RGL1: variants seen among roughly 807,000 people sequenced by gnomAD.
RGL1 encodes the protein ral guanine nucleotide dissociation stimulator like 1.
In RGL1, 24 loss-of-function variants were observed where a neutral mutation model predicts 95.2. The ratio of observed to expected loss-of-function variants is 0.25; its 90% CI spans 0.18 to 0.35. The LOEUF is 0.35. Among genes scored for constraint, RGL1 ranks in the 10% least tolerant of loss-of-function variants. The probability of loss-of-function intolerance (pLI) is 1.00; values close to 1 mark genes in which losing one functional copy is unlikely to be tolerated. For missense variants in RGL1, 715 were observed against 936.3 expected (o/e 0.76, Z 3.08); for synonymous variants, 329 against 344.9 (o/e 0.95, Z 0.51).
At chr1:183,686,556 C>A (rs1294559637) in intron 1 of RGL1, among the ~76,000 whole-genome samples, 2 of 152,166 alleles carry the variant, frequency 1.3e-5, no homozygotes, top group Non-Finnish European at 2.9e-5. Flanking sequence ...TGGATGACAA[C>A]ACTCTGTAGT....
chr1:183,646,244 TC>T (rs1650283193), intron 1 of RGL1, among the ~76,000 whole-genome samples: 1 of 152,220 alleles, frequency 6.6e-6, no homozygotes, highest in Non-Finnish European at 1.5e-5. Flanking sequence ...TTCCAGTAAT[TC>T]CATTAAAATT....
At chr1:183,692,811 T>C (rs1195084990) in intron 1 of RGL1, among the ~76,000 whole-genome samples, 1 of 152,142 alleles carries the variant, frequency 6.6e-6, no homozygotes, top group Non-Finnish European at 1.5e-5. Flanking sequence ...CTTGGGGTCA[T>C]GGAACTGTTC....
intron 14 of RGL1, 33 bp downstream of exon 14, chr1:183,907,134 G>C: frequency 7.4e-7 from 1 of 1,347,672 alleles, no homozygotes; most frequent in Middle Eastern, 1.8e-4. Context: ...GGGGCTCCAA[G>C]AGGGTGCCAT....
intron 1 of RGL1, among the ~76,000 whole-genome samples, chr1:183,705,517 G>A (rs564958433): frequency 1.3e-5 from 2 of 152,174 alleles, no homozygotes; most frequent in Non-Finnish European, 2.9e-5. Flanking sequence ...GCCCAAAAAG[G>A]TGGGGGCTGT....
rs766951954 is a variant in RGL1, at chr1:183,676,410, C to A, written c.-33+39909C>A. 2.4e-3 allele frequency among the ~76,000 whole-genome samples: 357 copies of A among 150,116 alleles called. 1 individual carries two copies. The highest frequency in any genetic ancestry group is 3.0e-3 in the Non-Finnish European group (203 of 67,258). ...CACATAGTTGAGCCATTCTCATGCC[C>A]CATCAAGTCTTTTCTTCCCTACACG... On this transcript the variant is annotated intron_variant, in intron 1 of 18. Coordinates refer to the RGL1 transcript ENST00000304685.
At chr1:183,894,791 T>C (rs1025436967) in intron 9 of RGL1, among the ~76,000 whole-genome samples, 7 of 152,230 alleles carry the variant, frequency 4.6e-5, no homozygotes, top group Admixed American at 1.3e-4. Flanking sequence ...ACTTCTCTTC[T>C]TCTGGGAAGA....
intron 2 of RGL1, among the ~76,000 whole-genome samples, chr1:183,811,407 C>T (rs1237581719): frequency 6.6e-6 from 1 of 152,044 alleles, no homozygotes; most frequent in Non-Finnish European, 1.5e-5. Context: ...CCTAGAGGAG[C>T]CTTTAGTTTA....
At chr1:183,905,068 T>C in intron 13 of RGL1, 97 bp downstream of exon 13, 1 of 1,432,690 alleles carries the variant, frequency 7.0e-7, no homozygotes, top group Non-Finnish European at 9.3e-7. Context: ...AACAACTATT[T>C]AGTGAGCAGC....
intron 7 of RGL1, 126 bp from the exon 8 acceptor site, chr1:183,888,344 CTATT>C: frequency 7.8e-6 from 5 of 640,352 alleles, no homozygotes; most frequent in Non-Finnish European, 1.1e-5. Context: ...TTGATGTTCA[CTATT>C]TATACAGCTG....
intron 1 of RGL1, chr1:183,648,159 G>A (rs929853105): frequency 1.2e-6 from 2 of 1,614,070 alleles, no homozygotes; most frequent in Admixed American, 1.7e-5. Context: ...AAAAACATGT[G>A]ATCCTGAGAC....
chr1:183,692,713 A>C (rs188902482), intron 1 of RGL1, among the ~76,000 whole-genome samples: 1 of 152,180 alleles, frequency 6.6e-6, no homozygotes, highest in African/African-American at 2.4e-5. Context: ...GGAATATGGA[A>C]CAAACAACAA....
At chr1:183,669,928 T>A (rs552536284) in intron 1 of RGL1, among the ~76,000 whole-genome samples, 3 of 152,164 alleles carry the variant, frequency 2.0e-5, no homozygotes, top group Non-Finnish European at 4.4e-5. Context: ...AACAGCAGCA[T>A]GGGGGTAACC....
chr1:183,650,853 T>G lies in RGL1; in HGVS notation c.-33+14352T>G, dbSNP rs113197645. 4.0e-3 allele frequency among the ~76,000 whole-genome samples: 612 copies of G among 152,248 alleles called. 6 individuals are homozygous for G. Among genetic ancestry groups the G allele is most frequent in the African/African-American group, 0.014 (580 of 41,562 alleles). On this transcript the variant is annotated intron_variant, in intron 1 of 18. Transcript: ENST00000304685. ...AATTTGAGAAGGGAGCATTGGTATT[T>G]TTTTGTTGCTATAATGTGTGCCTTT...
intron 2 of RGL1, among the ~76,000 whole-genome samples, chr1:183,784,384 C>A (rs752899115): frequency 9.2e-5 from 14 of 152,166 alleles, no homozygotes; most frequent in African/African-American, 3.4e-4. Flanking sequence ...AGGCTCCAGC[C>A]GCTATGCTCA....
chr1:183,732,133 C>T (rs1205338778), intron 1 of RGL1, among the ~76,000 whole-genome samples: 1 of 152,158 alleles, frequency 6.6e-6, no homozygotes, highest in Non-Finnish European at 1.5e-5. Flanking sequence ...GGCCCACTAA[C>T]CCTCCAGCTA....
intron 2 of RGL1, among the ~76,000 whole-genome samples, chr1:183,785,826 T>C (rs1239077141): frequency 6.6e-6 from 1 of 152,232 alleles, no homozygotes; most frequent in African/African-American, 2.4e-5. Context: ...GGCTTACACC[T>C]GTAATCCTAA....
intron 1 of RGL1, among the ~76,000 whole-genome samples, chr1:183,733,954 G>T (rs185956193): frequency 2.0e-3 from 302 of 152,354 alleles, no homozygotes; most frequent in Non-Finnish European, 3.5e-3. Context: ...TCTCCCAGAA[G>T]TGTTTTCTTG....
intron 15 of RGL1, among the ~76,000 whole-genome samples, chr1:183,916,173 C>A (rs917226277): frequency 6.6e-6 from 1 of 152,120 alleles, no homozygotes; most frequent in Non-Finnish European, 1.5e-5. Flanking sequence ...TGCTGGTTAA[C>A]TTCTATAAGA....
At chr1:183,716,793 CT>C (rs1294889662) in intron 1 of RGL1, among the ~76,000 whole-genome samples, 1 of 152,192 alleles carries the variant, frequency 6.6e-6, no homozygotes, top group African/African-American at 2.4e-5. Context: ...TCCCAAATAC[CT>C]TCTTGCTCTA....
Sources: allele counts gnomAD v4.1 joint callset (sites outside exome capture counted in the v4.1 genomes callset), GRCh38; gene constraint gnomAD v4.1.1; transcripts MANE v1.5; gene names NCBI Gene and HGNC (gene_info 2026-07-23, HGNC 2026-07-21).